CUBN: variants seen among roughly 807,000 people sequenced by gnomAD.
The protein encoded by CUBN is cubilin.
Under a neutral mutation model 405.3 loss-of-function variants are expected in CUBN, and 282 were observed. That is an observed-to-expected ratio of 0.70 (90% CI 0.63 to 0.77). CUBN has a LOEUF of 0.77. CUBN is among the 30% of genes least tolerant of loss of function. The pLI is 0.00. For missense variants in CUBN, 4,514 were observed against 4,475.2 expected, an observed-to-expected ratio of 1.01 and a Z score of -0.25; for synonymous variants, 1,684 against 1,617.0, an observed-to-expected ratio of 1.04 and a Z score of -0.99.
At chr10:17,015,100 G>A (rs1473387253) in intron 28 of CUBN, among the ~76,000 whole-genome samples, 2 of 152,178 alleles carry the variant, frequency 1.3e-5, no homozygotes, top group African/African-American at 4.8e-5. Flanking sequence ...GGGTGTTGCA[G>A]GGACTGCTGC....
intron 60 of CUBN, among the ~76,000 whole-genome samples, chr10:16,844,507 T>C (rs993900456): frequency 1.3e-5 from 2 of 152,174 alleles, no homozygotes; most frequent in African/African-American, 2.4e-5. Flanking sequence ...TCCTACGTGA[T>C]GTAAGATCAG....
At chr10:16,997,617 G>C (rs892278339) in intron 28 of CUBN, among the ~76,000 whole-genome samples, 1 of 152,054 alleles carries the variant, frequency 6.6e-6, no homozygotes, top group South Asian at 2.1e-4. Flanking sequence ...CCTCACTTCC[G>C]ATACATCTAT....
At chr10:16,954,347 G>A (rs1225415311) in intron 32 of CUBN, 42 bp downstream of exon 32, 2 of 1,611,116 alleles carry the variant, frequency 1.2e-6, no homozygotes, top group African/African-American at 2.7e-5. Flanking sequence ...ACAGAGCACT[G>A]AAGATTTCTC....
intron 27 of CUBN, among the ~76,000 whole-genome samples, chr10:17,020,920 T>G (rs1834481702): frequency 6.6e-6 from 1 of 152,184 alleles, no homozygotes; most frequent in South Asian, 2.1e-4. Context: ...ATATGGCTCT[T>G]TATAAAATAT....
chr10:16,847,781 G>A (rs936436571), intron 60 of CUBN, among the ~76,000 whole-genome samples: 12 of 152,170 alleles, frequency 7.9e-5, no homozygotes, highest in Non-Finnish European at 1.3e-4. Flanking sequence ...TTTCACAAAC[G>A]ATCATGATAG....
Position 16,906,119 on chromosome 10 carries a change from AACAAC to A in CUBN, c.7912+79_7912+83del. The A allele has an allele frequency of 5.3e-6, 6 of 1,142,814 alleles. No homozygotes were observed. The Admixed American group carries it at 1.1e-4, about 21-fold the overall frequency. The allele number at this position is 1,142,814 out of a possible 1,614,324, so 70.8% of individuals were successfully genotyped here. A position where few individuals can be genotyped will look rare whatever the true frequency, so the allele number is the denominator to read the frequency against. Reference sequence around the variant, plus strand: ...AGAGAGCAAGCTCCTGTCTCAAAACAACAACAACAGCAGCGACAACAACAAAAAAG... The same window carrying A: ...AGAGAGCAAGCTCCTGTCTCAAAACAAACAGCAGCGACAACAACAAAAAAG... On this transcript the variant is annotated intron_variant, in intron 50 of 66. Transcript: ENST00000377833.
intron 21 of CUBN, among the ~76,000 whole-genome samples, chr10:17,065,899 A>G (rs773976930): frequency 3.9e-5 from 6 of 152,190 alleles, no homozygotes; most frequent in Non-Finnish European, 8.8e-5. Flanking sequence ...AATAAAAGCT[A>G]CACTAGATTG....
chr10:17,003,388 C>T (rs997086711), intron 28 of CUBN, among the ~76,000 whole-genome samples: 26 of 152,122 alleles, frequency 1.7e-4, no homozygotes, highest in Admixed American at 1.5e-3. Flanking sequence ...TGTGAACCTG[C>T]GCTAGAATCT....
intron 29 of CUBN, among the ~76,000 whole-genome samples, chr10:16,989,743 C>T (rs1833527425): frequency 6.6e-6 from 1 of 152,170 alleles, no homozygotes. Context: ...TCAAATGCCT[C>T]ATGCTACCTA....
Position 16,869,852 on chromosome 10 carries a change from A to T in CUBN, c.9238T>A (p.Phe3080Ile), listed in dbSNP as rs769479040. Residue 3080 changes from phenylalanine to isoleucine, a missense_variant and splice_region_variant, in exon 59 of 67, where the codon TTC (phenylalanine) becomes ATC (isoleucine). Phe to Ile is a conservative substitution (Grantham distance 21, BLOSUM62 0). Around this residue, in one of 5 missense-constraint regions of CUBN, gnomAD observed 1,186 missense variants for 1,186.9 expected, o/e 1.00. Coordinates refer to ENST00000377833, the MANE Select transcript of CUBN (RefSeq NM_001081.4). ...VSDDKVIELK[F>I]SDFDVVPSTS... The stretch of plus-strand genomic sequence containing the variant: ...GAGGGAACCACATCAAAATCACTGA[A>T]CCTGTGAAATGTACCTTGTTAATAC... 7.5e-6 allele frequency: 12 copies of T among 1,602,046 alleles called. No homozygotes were observed. In the Admixed American group the frequency reaches 2.0e-4, roughly 27 times the overall value.
At chr10:16,976,179 C>T (rs1220639013) in intron 31 of CUBN, among the ~76,000 whole-genome samples, 1 of 151,834 alleles carries the variant, frequency 6.6e-6, no homozygotes, top group Non-Finnish European at 1.5e-5. Flanking sequence ...ACTACATTGC[C>T]CAGGCTGGTC....
chr10:17,023,913 G>C (rs1265194150), intron 27 of CUBN, among the ~76,000 whole-genome samples: 1 of 152,016 alleles, frequency 6.6e-6, no homozygotes, highest in African/African-American at 2.4e-5. Context: ...ACCTTCCTCT[G>C]TGAAATCTTT....
At chr10:16,957,917 C>T (rs943510103) in intron 31 of CUBN, among the ~76,000 whole-genome samples, 1 of 147,968 alleles carries the variant, frequency 6.8e-6, no homozygotes, top group Non-Finnish European at 1.5e-5. Context: ...AAAGAAAAAA[C>T]TCTAAGATTT....
intron 36 of CUBN, 54 bp from the exon 37 acceptor site, chr10:16,940,291 G>C: frequency 6.9e-7 from 1 of 1,455,258 alleles, no homozygotes; most frequent in South Asian, 1.1e-5. Context: ...ATAGACTTTG[G>C]GATTCTCCCG....
chr10:17,108,753 T>TTGA (rs1836697981), intron 10 of CUBN, among the ~76,000 whole-genome samples: 1 of 151,968 alleles, frequency 6.6e-6, no homozygotes, highest in African/African-American at 2.4e-5. Context: ...ACGTAAAAAT[T>TTGA]CTAAACTTCT....
chr10:17,008,824 T>A (rs1179731158), intron 28 of CUBN, among the ~76,000 whole-genome samples: 1 of 152,144 alleles, frequency 6.6e-6, no homozygotes, highest in African/African-American at 2.4e-5. Context: ...CCTAGCTCTG[T>A]AGAGTAGAAA....
intron 39 of CUBN, among the ~76,000 whole-genome samples, chr10:16,935,879 C>CAA (rs369098280): frequency 0.026 from 1,875 of 70,866 alleles, 65 homozygotes; most frequent in Non-Finnish European, 0.031. Context: ...GACTCCATCT[C>CAA]AAAAAAAAAA....
intron 54 of CUBN, among the ~76,000 whole-genome samples, 163 bp downstream of exon 54, chr10:16,898,833 A>G (rs1841271770): frequency 2.0e-5 from 3 of 152,142 alleles, no homozygotes; most frequent in Admixed American, 2.0e-4. Flanking sequence ...AAGAAAAGAA[A>G]TTCTAGCTCC....
chr10:16,931,100 CAAAA>C (rs764466526), intron 40 of CUBN, among the ~76,000 whole-genome samples: 7 of 133,042 alleles, frequency 5.3e-5, no homozygotes, highest in Non-Finnish European at 8.3e-5. Context: ...ACTAAAAATA[CAAAA>C]AAAAAAAAAA....
Sources: allele counts gnomAD v4.1 joint callset (sites outside exome capture counted in the v4.1 genomes callset), GRCh38; gene constraint gnomAD v4.1.1; regional missense constraint gnomAD v4.1.1; transcripts MANE v1.5; gene names NCBI Gene and HGNC (gene_info 2026-07-23, HGNC 2026-07-21).